The following OPCML variants were observed in gnomAD, a reference collection of about 807,000 sequenced individuals.
OPCML encodes the protein opioid-binding protein/cell adhesion molecule.
OPCML carries 13 observed loss-of-function variants against 37.8 expected under a neutral mutation model. The ratio of observed to expected loss-of-function variants is 0.34; its 90% CI spans 0.22 to 0.55. OPCML has a LOEUF of 0.55. Among genes scored for constraint, OPCML ranks in the 20% least tolerant of loss-of-function variants. The pLI is 0.91. For synonymous variants in OPCML, 176 were observed against 168.8 expected, an observed-to-expected ratio of 1.04 and a Z score of -0.33; for missense variants, 341 against 435.6, an observed-to-expected ratio of 0.78 and a Z score of 1.93.
chr11:133,242,449 G>A (rs751421441), intron 1 of OPCML, among the ~76,000 whole-genome samples: 1 of 152,164 alleles, frequency 6.6e-6, no homozygotes, highest in Non-Finnish European at 1.5e-5. Flanking sequence ...TCCAGAGGTA[G>A]GAGTCTGAGA....
chr11:133,114,913 T>TC (rs1209062116), intron 1 of OPCML, among the ~76,000 whole-genome samples: 3 of 152,228 alleles, frequency 2.0e-5, no homozygotes, highest in African/African-American at 7.2e-5. Flanking sequence ...AGGTACCCTG[T>TC]CCCCATTTAT....
chr11:132,493,318 C>T (rs1168096730), intron 4 of OPCML, among the ~76,000 whole-genome samples: 4 of 152,168 alleles, frequency 2.6e-5, no homozygotes, highest in Non-Finnish European at 5.9e-5. Context: ...TCCCTCCTCC[C>T]ATCTGGAAAG....
At chr11:133,412,064 C>T (rs1055306978) in intron 1 of OPCML, among the ~76,000 whole-genome samples, 11 of 152,166 alleles carry the variant, frequency 7.2e-5, no homozygotes, top group Admixed American at 2.6e-4. Flanking sequence ...CACATTCAAA[C>T]GGTCTAATTT....
At chr11:132,835,937 A>G (rs4454726) in intron 2 of OPCML, among the ~76,000 whole-genome samples, 135,262 of 151,814 alleles carry the variant, frequency 0.89, 61,142 homozygotes, top group Middle Eastern at 0.96. Flanking sequence ...ACTTACAAAT[A>G]TCCATTTTTG....
At chr11:132,918,140 T>TGATTTTTACCTTTATAATGC (rs1944667533) in intron 2 of OPCML, among the ~76,000 whole-genome samples, 1 of 152,242 alleles carries the variant, frequency 6.6e-6, no homozygotes, top group Non-Finnish European at 1.5e-5. Context: ...GAATAAAATA[T>TGATTTTTACCTTTATAATGC]GATTTTTACC....
chr11:133,258,797 C>T (rs1941402498), intron 1 of OPCML, among the ~76,000 whole-genome samples: 1 of 152,132 alleles, frequency 6.6e-6, no homozygotes, highest in Non-Finnish European at 1.5e-5. Context: ...GGAGCCCTCA[C>T]AGCCCAGGGG....
At chr11:133,265,738 G>T (rs557781443) in intron 1 of OPCML, among the ~76,000 whole-genome samples, 66 of 152,252 alleles carry the variant, frequency 4.3e-4, no homozygotes, top group Middle Eastern at 3.4e-3. Context: ...CGCTGCCGGC[G>T]CTCCTCCCAG....
At chr11:132,711,678 T>C (rs1944268359) in intron 2 of OPCML, among the ~76,000 whole-genome samples, 1 of 152,196 alleles carries the variant, frequency 6.6e-6, no homozygotes, top group African/African-American at 2.4e-5. Context: ...TATATGTGTG[T>C]GTATGATATT....
intron 1 of OPCML, among the ~76,000 whole-genome samples, chr11:133,203,149 A>G (rs1353447883): frequency 6.6e-6 from 1 of 152,232 alleles, no homozygotes; most frequent in African/African-American, 2.4e-5. Context: ...AACTGGTGGT[A>G]GAATTACTAC....
intron 4 of OPCML, among the ~76,000 whole-genome samples, chr11:132,480,696 G>A (rs1006309088): frequency 6.6e-6 from 1 of 152,186 alleles, no homozygotes; most frequent in African/African-American, 2.4e-5. Flanking sequence ...CAAGCCAGAA[G>A]AGAGTGGGGA....
chr11:133,315,109 CTTA>C (rs1943173834), intron 1 of OPCML, among the ~76,000 whole-genome samples: 1 of 152,042 alleles, frequency 6.6e-6, no homozygotes, highest in Non-Finnish European at 1.5e-5. Flanking sequence ...ATGCATGTCT[CTTA>C]TTATACATTT....
chr11:132,635,364 TAAC>T (rs1940422555), intron 3 of OPCML, among the ~76,000 whole-genome samples: 1 of 152,092 alleles, frequency 6.6e-6, no homozygotes, highest in Non-Finnish European at 1.5e-5. Context: ...AAGAAAACAA[TAAC>T]AAAAACAAAA....
chr11:133,318,591 A>G (rs1275600289), intron 1 of OPCML, among the ~76,000 whole-genome samples: 2 of 152,134 alleles, frequency 1.3e-5, no homozygotes, highest in Non-Finnish European at 2.9e-5. Flanking sequence ...CTTTTTCCCT[A>G]TTGTGAGAGT....
rs1949801737 is a variant in OPCML, at chr11:133,140,991, A to AGACGAAGACGAAGAC, written c.62-197982_62-197981insGTCTTCGTCTTCGTC. On this transcript the variant is annotated intron_variant, in intron 1 of 7. Coordinates refer to ENST00000524381, the MANE Select transcript of OPCML (RefSeq NM_001012393.5). ...AAGAAGAAGAAGAAGAAGAAGAAGA[A>AGACGAAGACGAAGAC]GAAGAAGACGACGACGACGACGACG... 4.7e-4 allele frequency among the ~76,000 whole-genome samples: 2 copies of AGACGAAGACGAAGAC among 4,290 alleles called. 1 individual carries two copies. Among genetic ancestry groups the AGACGAAGACGAAGAC allele is most frequent in the African/African-American group, 8.2e-4 (2 of 2,434 alleles). 2.8% of individuals were successfully genotyped at this position (4,290 alleles called of 152,430 possible).
At chr11:132,599,556 G>A (rs1363783359) in intron 3 of OPCML, among the ~76,000 whole-genome samples, 1 of 152,080 alleles carries the variant, frequency 6.6e-6, no homozygotes, top group African/African-American at 2.4e-5. Flanking sequence ...CAAATGGCAG[G>A]CTCACATCTC....
chr11:132,436,316 T>A, intron 6 of OPCML, 79 bp from the exon 7 acceptor site: 1 of 1,607,250 alleles, frequency 6.2e-7, no homozygotes, highest in Non-Finnish European at 8.5e-7. Context: ...CTCCAACTAA[T>A]CTCGTCCTTC....
intron 4 of OPCML, among the ~76,000 whole-genome samples, chr11:132,525,489 C>G (rs1462039024): frequency 6.6e-6 from 1 of 152,146 alleles, no homozygotes; most frequent in Non-Finnish European, 1.5e-5. Flanking sequence ...GTCATTGCAA[C>G]CTTTATTTCT....
intron 4 of OPCML, among the ~76,000 whole-genome samples, chr11:132,516,960 G>A (rs1439840497): frequency 1.3e-5 from 2 of 152,028 alleles, no homozygotes; most frequent in Admixed American, 6.6e-5. Context: ...TCAACCCATG[G>A]TGGAGACAGT....
At chr11:133,085,818 TATCTG>T (rs1948810504) in intron 1 of OPCML, among the ~76,000 whole-genome samples, 1 of 152,226 alleles carries the variant, frequency 6.6e-6, no homozygotes, top group African/African-American at 2.4e-5. Flanking sequence ...TTCTAGTGTA[TATCTG>T]ATCTGAGAAT....
Sources: allele counts gnomAD v4.1 joint callset (sites outside exome capture counted in the v4.1 genomes callset), GRCh38; gene constraint gnomAD v4.1.1; transcripts MANE v1.5; gene names NCBI Gene and HGNC (gene_info 2026-07-23, HGNC 2026-07-21).